SVOP: variants seen among roughly 807,000 people sequenced by gnomAD.
SVOP encodes the protein synaptic vesicle 2-related protein.
Under a neutral mutation model 69.1 loss-of-function variants are expected in SVOP, and 17 were observed. The observed-to-expected ratio is 0.25, with a 90% CI of 0.17 to 0.37. The LOEUF (loss-of-function observed/expected upper bound fraction) is 0.37. Ranked by LOEUF, SVOP falls within the 10% of genes least tolerant of loss-of-function variation. SVOP has a pLI of 1.00. For missense variants in SVOP, 435 were observed against 597.5 expected, an observed-to-expected ratio of 0.73 and a Z score of 2.84; for synonymous variants, 238 against 238.6, an observed-to-expected ratio of 1.00 and a Z score of 0.02.
chr12:108,940,356 G>T (rs977144826), intron 8 of SVOP, among the ~76,000 whole-genome samples: 84 of 152,296 alleles, frequency 5.5e-4, no homozygotes, highest in African/African-American at 2.0e-3. Context: ...ATGCACAGAT[G>T]AGATGAAGAG....
At chr12:108,950,162 C>CA (rs1472880744) in intron 6 of SVOP, among the ~76,000 whole-genome samples, 1 of 148,720 alleles carries the variant, frequency 6.7e-6, no homozygotes, top group Non-Finnish European at 1.5e-5. Context: ...CTCCTGGGCT[C>CA]AAAGATTCTC....
intron 1 of SVOP, among the ~76,000 whole-genome samples, chr12:108,992,682 G>A (rs1002193470): frequency 3.3e-5 from 5 of 152,158 alleles, no homozygotes; most frequent in African/African-American, 4.8e-5. Context: ...CTTAAATGAA[G>A]TGTCCAGAAT....
chr12:108,955,408 C>T (rs1168269605), intron 6 of SVOP, among the ~76,000 whole-genome samples: 1 of 152,206 alleles, frequency 6.6e-6, no homozygotes, highest in Non-Finnish European at 1.5e-5. Flanking sequence ...AAGTCCCTGC[C>T]AGCCCAGATT....
Position 108,911,273 on chromosome 12 carries a change from C to T in SVOP, c.*1262G>A, listed in dbSNP as rs1410487197. The T allele has an allele frequency of 2.0e-5, 3 of 152,214 alleles. No homozygotes were observed. The highest frequency in any genetic ancestry group is 4.4e-5 in the Non-Finnish European group (3 of 68,056). 9.4% of individuals were successfully genotyped at this position (152,214 alleles called of 1,614,324 possible). A position where few individuals can be genotyped will look rare whatever the true frequency, so the allele number is the denominator to read the frequency against. ...GCTTCGCATCAGGGAATCCTGGTCC[C>T]CTGATCCCCATGGGATGAGATGGTG... On this transcript the variant is annotated 3_prime_UTR_variant, in exon 16 of 16. Transcript: ENST00000610966.
intron 5 of SVOP, among the ~76,000 whole-genome samples, chr12:108,964,052 G>A (rs2040031790): frequency 6.6e-6 from 1 of 151,986 alleles, no homozygotes; most frequent in Non-Finnish European, 1.5e-5. Flanking sequence ...AAAGCAATTT[G>A]ATATAAAGAA....
At chr12:108,970,233 C>A (rs1200177173) in intron 5 of SVOP, among the ~76,000 whole-genome samples, 6 of 152,130 alleles carry the variant, frequency 3.9e-5, no homozygotes, top group Non-Finnish European at 8.8e-5. Context: ...TGATTCAAGC[C>A]ACAGGCATCA....
At chr12:108,916,019 T>G in intron 14 of SVOP, 147 bp from the exon 15 acceptor site, 1 of 712,808 alleles carries the variant, frequency 1.4e-6, no homozygotes. Flanking sequence ...GGGACAGGGA[T>G]CCTCACCCCA....
intron 11 of SVOP, among the ~76,000 whole-genome samples, chr12:108,925,797 C>T (rs2039776729): frequency 6.6e-6 from 1 of 152,138 alleles, no homozygotes; most frequent in Non-Finnish European, 1.5e-5. Flanking sequence ...TTTATCCCTC[C>T]CCATGATGAA....
At chr12:108,947,028 G>C (rs1175441023) in intron 6 of SVOP, among the ~76,000 whole-genome samples, 1 of 152,092 alleles carries the variant, frequency 6.6e-6, no homozygotes, top group Non-Finnish European at 1.5e-5. Flanking sequence ...CCTGCAACCT[G>C]TTATTATTTT....
chr12:108,982,199 C>T (rs935745308), intron 2 of SVOP, among the ~76,000 whole-genome samples: 2 of 151,854 alleles, frequency 1.3e-5, no homozygotes, highest in Non-Finnish European at 2.9e-5. Context: ...TCACCATCAT[C>T]ATGATCTCCA....
chr12:109,008,349 C>G (rs2040321208), intron 1 of SVOP, among the ~76,000 whole-genome samples: 1 of 152,150 alleles, frequency 6.6e-6, no homozygotes, highest in Non-Finnish European at 1.5e-5. Flanking sequence ...TGAAAGTCAC[C>G]ATCTGATGCC....
Position 108,919,697 on chromosome 12 carries a change from G to A in SVOP, c.1246C>T (p.Leu416=). 6.2e-7 allele frequency: 1 copy of A among 1,606,098 alleles called. No homozygotes were observed. The highest frequency in any genetic ancestry group is 8.5e-7 in the Non-Finnish European group (1 of 1,176,238). Residue 416 remains leucine, a synonymous_variant, in exon 13 of 16, where the codon CTG becomes TTG. Transcript: ENST00000610966. ...CFVIFSFCSL[L]LFICVGRNVL... ...TACCTTCCAACACAGATAAACAGCA[G>A]GAGGCTGCAGAAGGAGAAGATGACA...
chr12:108,981,317 G>A (rs923458824), intron 2 of SVOP, among the ~76,000 whole-genome samples: 50,230 of 152,054 alleles, frequency 0.33, 8,814 homozygotes, highest in African/African-American at 0.44. Context: ...AGAGTTGGGA[G>A]TAGAGCCCAG....
At chr12:109,007,224 G>A (rs144156213) in intron 1 of SVOP, among the ~76,000 whole-genome samples, 15 of 152,280 alleles carry the variant, frequency 9.9e-5, no homozygotes, top group East Asian at 3.9e-4. Context: ...GTGATGTGGC[G>A]TCTTCTGAAT....
intron 1 of SVOP, among the ~76,000 whole-genome samples, chr12:108,992,455 C>T (rs1470386997): frequency 5.9e-5 from 9 of 152,186 alleles, no homozygotes; most frequent in Non-Finnish European, 1.5e-5. Flanking sequence ...GTGGGAGGGT[C>T]GCTTGAGCCT....
intron 1 of SVOP, among the ~76,000 whole-genome samples, chr12:109,004,283 A>T (rs915770714): frequency 2.6e-5 from 4 of 152,098 alleles, no homozygotes; most frequent in African/African-American, 9.7e-5. Flanking sequence ...GTTTTACATA[A>T]TTTTGCTATT....
At chr12:109,001,337 TG>T (rs1376676895) in intron 1 of SVOP, among the ~76,000 whole-genome samples, 6 of 149,752 alleles carry the variant, frequency 4.0e-5, no homozygotes, top group South Asian at 2.1e-4. Flanking sequence ...GAACATTCCA[TG>T]CTCATGGGTA....
At chr12:108,929,768 C>T (rs1261671461) in intron 11 of SVOP, among the ~76,000 whole-genome samples, 2 of 152,280 alleles carry the variant, frequency 1.3e-5, no homozygotes, top group South Asian at 2.1e-4. Context: ...TGAGGTCTCT[C>T]TCCTCCTATT....
chr12:109,013,442 G>A (rs887926415), intron 1 of SVOP, among the ~76,000 whole-genome samples: 4 of 150,862 alleles, frequency 2.7e-5, no homozygotes, highest in Non-Finnish European at 4.4e-5. Context: ...CCAGGCTGGA[G>A]TGCAGTAGCA....
Sources: allele counts gnomAD v4.1 joint callset (sites outside exome capture counted in the v4.1 genomes callset), GRCh38; gene constraint gnomAD v4.1.1; transcripts MANE v1.5; gene names NCBI Gene and HGNC (gene_info 2026-07-23, HGNC 2026-07-21).